The following SNTG1 variants were observed in gnomAD, a reference collection of about 807,000 sequenced individuals.
SNTG1 encodes gamma-1-syntrophin.
A neutral mutation model predicts 74.7 loss-of-function variants in SNTG1; 39 were observed. The ratio of observed to expected loss-of-function variants is 0.52; its 90% confidence interval spans 0.40 to 0.68. The LOEUF is 0.68. SNTG1 is among the 30% of genes least tolerant of loss of function. The pLI, the probability that SNTG1 is intolerant of heterozygous loss-of-function variation, is 0.00. For missense variants in SNTG1, 685 were observed against 609.5 expected (o/e 1.12, Z -1.30); for synonymous variants, 254 against 217.1 (o/e 1.17, Z -1.49).
intron 2 of SNTG1, among the ~76,000 whole-genome samples, chr8:50,182,626 G>A (rs549315652): frequency 5.3e-5 from 8 of 152,168 alleles, no homozygotes; most frequent in South Asian, 2.1e-4. Flanking sequence ...TGGCACGTGC[G>A]TGTCTGTGTG....
intron 1 of SNTG1, among the ~76,000 whole-genome samples, chr8:50,051,705 AC>A (rs779205692): frequency 7.2e-5 from 11 of 152,026 alleles, no homozygotes; most frequent in Non-Finnish European, 1.3e-4. Flanking sequence ...CCGTTCTGCC[AC>A]CCAGTATTCT....
intron 18 of SNTG1, among the ~76,000 whole-genome samples, chr8:50,764,678 T>C (rs543182097): frequency 4.6e-5 from 7 of 152,086 alleles, no homozygotes; most frequent in Admixed American, 4.6e-4. Context: ...TTGGTGGCAA[T>C]GTAAATTTAT....
chr8:50,294,645 C>T (rs1230783357), intron 2 of SNTG1, among the ~76,000 whole-genome samples: 3 of 152,054 alleles, frequency 2.0e-5, no homozygotes, highest in African/African-American at 7.2e-5. Flanking sequence ...TGAGGCCCAC[C>T]CATGTTATGG....
chr8:50,476,857 G>GACACACACACAC (rs59121229), intron 8 of SNTG1, among the ~76,000 whole-genome samples: 40,638 of 145,752 alleles, frequency 0.28, 6,483 homozygotes, highest in East Asian at 0.48. Flanking sequence ...GACACACACA[G>GACACACACACAC]ACACACACAC....
intron 1 of SNTG1, among the ~76,000 whole-genome samples, chr8:50,093,660 C>T (rs1368551542): frequency 6.6e-6 from 1 of 151,916 alleles, no homozygotes; most frequent in Non-Finnish European, 1.5e-5. Flanking sequence ...CCTTGTAAGA[C>T]CTACGAGATG....
chr8:50,289,633 T>C (rs1237648359), intron 2 of SNTG1, among the ~76,000 whole-genome samples: 6 of 152,210 alleles, frequency 3.9e-5, no homozygotes, highest in African/African-American at 1.4e-4. Context: ...TAAATGACAC[T>C]GGACTGGAAA....
intron 1 of SNTG1, among the ~76,000 whole-genome samples, chr8:50,136,893 G>GT (rs2081492454): frequency 6.6e-6 from 1 of 151,992 alleles, no homozygotes; most frequent in African/African-American, 2.4e-5. Context: ...TGAGGAAGAG[G>GT]TCAGGAGACT....
Position 50,554,958 on chromosome 8 carries a change from A to C in SNTG1, c.810+1779A>C, listed in dbSNP as rs187002267. Among the ~76,000 whole-genome samples, 8 of 152,144 alleles carry C rather than the reference A, an allele frequency of 5.3e-5. No individual in the cohort carries two copies. In the East Asian group the frequency reaches 1.5e-3, roughly 29 times the overall value. On this transcript the variant is annotated intron_variant, in intron 12 of 18. Transcript: ENST00000642720. ...TAGATCCAAATTTGCATTGACCTAA[A>C]ATCCTAGGAATATTGTCATGCCATA...
intron 1 of SNTG1, among the ~76,000 whole-genome samples, chr8:50,009,260 C>T (rs1460941255): frequency 2.0e-5 from 3 of 151,902 alleles, no homozygotes; most frequent in Non-Finnish European, 4.4e-5. Context: ...AGTTGTCATG[C>T]TTTTGTCAAC....
intron 8 of SNTG1, among the ~76,000 whole-genome samples, chr8:50,484,133 T>TTTCTTTCTTTCC (rs1563453385): frequency 2.6e-5 from 2 of 77,320 alleles, no homozygotes; most frequent in Non-Finnish European, 5.2e-5. Flanking sequence ...TCTTTCTTTC[T>TTTCTTTCTTTCC]TTCCTTCTTT....
intron 17 of SNTG1, among the ~76,000 whole-genome samples, chr8:50,716,893 C>T (rs908279970): frequency 6.6e-6 from 1 of 151,500 alleles, no homozygotes; most frequent in African/African-American, 2.4e-5. Context: ...CCACCATGCC[C>T]GGCTAATTTT....
At chr8:50,424,399 C>G (rs143805945) in intron 4 of SNTG1, among the ~76,000 whole-genome samples, 3 of 152,268 alleles carry the variant, frequency 2.0e-5, no homozygotes, top group East Asian at 1.9e-4. Context: ...GTAAGGTGTA[C>G]CAATCAAAAA....
At chr8:50,529,212 A>T (rs2094246495) in intron 9 of SNTG1, among the ~76,000 whole-genome samples, 1 of 152,006 alleles carries the variant, frequency 6.6e-6, no homozygotes, top group African/African-American at 2.4e-5. Context: ...TAAACTTCAC[A>T]GGAAAAATAA....
At chr8:50,405,943 C>G (rs1014889871) in intron 4 of SNTG1, among the ~76,000 whole-genome samples, 31 of 152,024 alleles carry the variant, frequency 2.0e-4, no homozygotes, top group Admixed American at 6.6e-5. Flanking sequence ...ATATATTTGT[C>G]TTTATGCCAG....
chr8:50,233,150 C>A (rs1460708569), intron 2 of SNTG1, among the ~76,000 whole-genome samples: 1 of 151,444 alleles, frequency 6.6e-6, no homozygotes, highest in African/African-American at 2.4e-5. Context: ...ATCATTATAC[C>A]TGATTTTCAA....
intron 1 of SNTG1, among the ~76,000 whole-genome samples, chr8:50,118,917 A>C (rs145100425): frequency 7.1e-6 from 1 of 140,950 alleles, no homozygotes. Context: ...TAGACTTAGC[A>C]GAGACAGATG....
At chr8:50,041,327 C>T (rs1164094482) in intron 1 of SNTG1, among the ~76,000 whole-genome samples, 1 of 152,122 alleles carries the variant, frequency 6.6e-6, no homozygotes, top group Non-Finnish European at 1.5e-5. Context: ...AGTCACTACA[C>T]CATTCTCTCC....
At chr8:50,729,168 G>T (rs2095506990) in intron 17 of SNTG1, among the ~76,000 whole-genome samples, 1 of 152,178 alleles carries the variant, frequency 6.6e-6, no homozygotes, top group South Asian at 2.1e-4. Context: ...CTGCCAGCTT[G>T]GATAGCTTGC....
intron 18 of SNTG1, among the ~76,000 whole-genome samples, chr8:50,782,638 C>T (rs1460265502): frequency 2.7e-5 from 3 of 110,254 alleles, no homozygotes; most frequent in Non-Finnish European, 5.9e-5. Flanking sequence ...AACTTCTTTG[C>T]CTTTGGTTTG....
Sources: gnomAD v4.1 joint callset for allele counts (sites outside exome capture counted in the v4.1 genomes callset) on GRCh38, gnomAD v4.1.1 for gene constraint, MANE v1.5 for transcripts, NCBI Gene and HGNC (gene_info 2026-07-23, HGNC 2026-07-21) for gene names.